The following FSHR variants were observed in gnomAD, a reference collection of about 807,000 sequenced individuals.
FSHR encodes follicle-stimulating hormone receptor.
A neutral mutation model predicts 52.1 loss-of-function variants in FSHR; 46 were observed. The observed-to-expected ratio is 0.88, with a 90% CI of 0.70 to 1.13. FSHR has a LOEUF of 1.13. FSHR is among the 50% of genes most tolerant of loss of function. The pLI is 0.00. For synonymous variants in FSHR, 399 were observed against 309.6 expected (o/e 1.29, Z -3.03); for missense variants, 964 against 834.6 (o/e 1.16, Z -1.91).
At chr2:48,983,068 T>C in intron 7 of FSHR, 30 bp downstream of exon 7, 1 of 1,612,434 alleles carries the variant, frequency 6.2e-7, no homozygotes, top group Non-Finnish European at 8.5e-7. Context: ...TCCCTTTAAA[T>C]GGCCTTGAAG....
intron 8 of FSHR, among the ~76,000 whole-genome samples, chr2:48,977,622 A>G (rs1675050875): frequency 6.6e-6 from 1 of 152,174 alleles, no homozygotes; most frequent in Non-Finnish European, 1.5e-5. Context: ...GTATATTACT[A>G]TAGCCATTTG....
At chr2:49,083,572 C>T (rs1361001673) in intron 1 of FSHR, among the ~76,000 whole-genome samples, 1 of 146,792 alleles carries the variant, frequency 6.8e-6, no homozygotes, top group African/African-American at 2.5e-5. Flanking sequence ...GAGTCAAGAC[C>T]CATCAGTGTG....
At chr2:49,013,117 A>G (rs1310254510) in intron 4 of FSHR, among the ~76,000 whole-genome samples, 3 of 145,354 alleles carry the variant, frequency 2.1e-5, no homozygotes, top group Non-Finnish European at 4.5e-5. Flanking sequence ...CTCTTTCTCT[A>G]TCTTCCCCCC....
intron 7 of FSHR, 36 bp downstream of exon 7, chr2:48,983,062 T>A (rs757178633): frequency 1.2e-6 from 2 of 1,608,576 alleles, no homozygotes; most frequent in Admixed American, 3.3e-5. Flanking sequence ...GCCATTTCCC[T>A]TTAAATGGCC....
intron 2 of FSHR, among the ~76,000 whole-genome samples, chr2:49,033,405 T>A (rs1294578530): frequency 6.6e-6 from 1 of 152,196 alleles, no homozygotes; most frequent in Non-Finnish European, 1.5e-5. Context: ...TATGGTTGGT[T>A]TTTCTTTCTT....
At chr2:48,998,658 A>G (rs577739607) in intron 4 of FSHR, among the ~76,000 whole-genome samples, 2 of 152,030 alleles carry the variant, frequency 1.3e-5, no homozygotes, top group Admixed American at 6.6e-5. Flanking sequence ...CTCAGCGACT[A>G]TAGGTATGGA....
intron 5 of FSHR, among the ~76,000 whole-genome samples, chr2:48,989,678 T>A (rs751612542): frequency 5.9e-5 from 9 of 152,218 alleles, no homozygotes; most frequent in Non-Finnish European, 1.0e-4. Flanking sequence ...TCTGTTCATC[T>A]TAGTTGGGCC....
intron 6 of FSHR, among the ~76,000 whole-genome samples, chr2:48,987,412 G>GTA (rs1231067782): frequency 2.0e-5 from 3 of 151,526 alleles, no homozygotes; most frequent in African/African-American, 7.3e-5. Context: ...GGGTTTCACT[G>GTA]TATTAGACAG....
At chr2:49,045,408 A>T (rs1184891556) in intron 2 of FSHR, among the ~76,000 whole-genome samples, 1 of 152,234 alleles carries the variant, frequency 6.6e-6, no homozygotes, top group African/African-American at 2.4e-5. Flanking sequence ...TGCTTTATGT[A>T]GGAGACATTG....
chr2:49,019,283 T>C (rs1572641408), intron 3 of FSHR, among the ~76,000 whole-genome samples: 1 of 152,324 alleles, frequency 6.6e-6, no homozygotes, highest in South Asian at 2.1e-4. Flanking sequence ...ACCATAAATC[T>C]TTTCCTTTTT....
At chr2:48,982,621 C>T (rs1675301762) in intron 8 of FSHR, among the ~76,000 whole-genome samples, 1 of 152,140 alleles carries the variant, frequency 6.6e-6, no homozygotes, top group Admixed American at 6.5e-5. Flanking sequence ...TAGCTCCTAC[C>T]ACAGGGGGTG....
At chr2:49,009,308 C>T (rs376199340) in intron 4 of FSHR, among the ~76,000 whole-genome samples, 1 of 151,560 alleles carries the variant, frequency 6.6e-6, no homozygotes, top group Non-Finnish European at 1.5e-5. Flanking sequence ...GCTTGTTTTT[C>T]TCAGGCTTGT....
At chr2:49,094,732 G>C (rs991721912) in intron 1 of FSHR, among the ~76,000 whole-genome samples, 2 of 151,936 alleles carry the variant, frequency 1.3e-5, no homozygotes, top group African/African-American at 4.8e-5. Flanking sequence ...AAAATCTCCA[G>C]TCAGTAACTT....
At chr2:49,053,756 TG>T (rs1231761252) in intron 2 of FSHR, among the ~76,000 whole-genome samples, 1 of 152,154 alleles carries the variant, frequency 6.6e-6, no homozygotes, top group Non-Finnish European at 1.5e-5. Flanking sequence ...TGGGTTAAAC[TG>T]GGATAATAAA....
In FSHR at chr2:48,983,301, G is replaced by A. The variant is rs1675341325; in HGVS notation, c.525-135C>T. ...AGAAAATGCCACTTTTAAAGCTTGGGGACACGGGTGGGAGGAAGACTGATT... is the reference window on the plus strand; with the variant it reads ...AGAAAATGCCACTTTTAAAGCTTGGAGACACGGGTGGGAGGAAGACTGATT... On this transcript the variant is annotated intron_variant, in intron 6 of 9. Coordinates refer to ENST00000406846, the MANE Select transcript of FSHR (RefSeq NM_000145.4). The A allele has an allele frequency of 1.2e-4, 88 of 751,812 alleles. 1 individual carries two copies. The South Asian group carries it at 1.3e-3, about 11-fold the overall frequency. 46.6% of individuals were successfully genotyped at this position (751,812 alleles called of 1,614,324 possible). A position where few individuals can be genotyped will look rare whatever the true frequency, so the allele number is the denominator to read the frequency against.
chr2:49,000,673 G>A (rs895411334), intron 4 of FSHR, among the ~76,000 whole-genome samples: 2 of 152,146 alleles, frequency 1.3e-5, no homozygotes, highest in Non-Finnish European at 2.9e-5. Context: ...GGAGAAAGCT[G>A]TAGATTTTTC....
At chr2:49,115,066 A>G (rs552450948) in intron 1 of FSHR, among the ~76,000 whole-genome samples, 6 of 150,776 alleles carry the variant, frequency 4.0e-5, no homozygotes. Context: ...CAAGATGTGC[A>G]TGGAAAGGAG....
At chr2:49,108,497 C>T (rs1671314317) in intron 1 of FSHR, among the ~76,000 whole-genome samples, 1 of 152,114 alleles carries the variant, frequency 6.6e-6, no homozygotes, top group African/African-American at 2.4e-5. Flanking sequence ...CTCTGGCCAA[C>T]CAAGCTCAGC....
chr2:49,138,186 A>G (rs1465922036), intron 1 of FSHR, among the ~76,000 whole-genome samples: 1 of 152,186 alleles, frequency 6.6e-6, no homozygotes, highest in African/African-American at 2.4e-5. Context: ...TATACTCAAG[A>G]GGATTGCTGG....
Sources: gnomAD v4.1 joint callset for allele counts (sites outside exome capture counted in the v4.1 genomes callset) on GRCh38, gnomAD v4.1.1 for gene constraint, MANE v1.5 for transcripts, NCBI Gene and HGNC (gene_info 2026-07-23, HGNC 2026-07-21) for gene names.